The following VWDE variants were observed in gnomAD, a reference collection of about 807,000 sequenced individuals.
VWDE encodes the protein von Willebrand factor D and EGF domains, also known as von Willebrand factor D and EGF domain-containing protein.
VWDE carries 207 observed loss-of-function variants against 178.4 expected under a neutral mutation model. The ratio of observed to expected loss-of-function variants is 1.16; its 90% CI spans 1.04 to 1.30. VWDE has a LOEUF of 1.30. Among genes scored for constraint, VWDE ranks in the 50% most tolerant of loss-of-function variants. The pLI is 0.00. For synonymous variants in VWDE, 738 were observed against 651.4 expected (o/e 1.13, Z -2.02); for missense variants, 2,287 against 1,901.3 (o/e 1.20, Z -3.77).
chr7:12,363,529 C>A (rs1782691813), intron 13 of VWDE, among the ~76,000 whole-genome samples: 1 of 151,802 alleles, frequency 6.6e-6, no homozygotes, highest in South Asian at 2.1e-4. Context: ...TAAAGACTTG[C>A]TTAAAACTAC....
At chr7:12,350,985 G>C (rs928476818) in intron 19 of VWDE, among the ~76,000 whole-genome samples, 1 of 152,104 alleles carries the variant, frequency 6.6e-6, no homozygotes, top group Non-Finnish European at 1.5e-5. Context: ...GTGTACATCA[G>C]AGTATTCAGT....
chr7:12,376,068 T>A (rs541646265), intron 7 of VWDE, among the ~76,000 whole-genome samples: 1 of 152,216 alleles, frequency 6.6e-6, no homozygotes, highest in African/African-American at 2.4e-5. Flanking sequence ...GGTATGAAGT[T>A]ATATTAATCA....
intron 13 of VWDE, among the ~76,000 whole-genome samples, chr7:12,364,766 G>A (rs958479360): frequency 1.3e-5 from 2 of 152,050 alleles, no homozygotes; most frequent in Non-Finnish European, 2.9e-5. Context: ...AAATTAGGAA[G>A]AAAATGTTTG....
Position 12,356,283 on chromosome 7 carries a change from A to G in VWDE, c.3573T>C (p.Ser1191=), listed in dbSNP as rs753163282. Residue 1191 remains serine, a synonymous_variant, in exon 18 of 29, where the codon TCT becomes TCC. Coordinates refer to ENST00000275358, the MANE Select transcript of VWDE (RefSeq NM_001135924.3). ...CACTCCCTGGAGAAAAGTTCCTATC[A>G]GATACACATGATCCACCATTCAAGC... The part of the protein sequence containing the change: ...CDCLNGGSCV[S]DRNFSPGSGV... 5.2e-6 allele frequency: 8 copies of G among 1,551,678 alleles called. No homozygotes were observed. Among genetic ancestry groups the G allele is most frequent in the Non-Finnish European group, 7.0e-6 (8 of 1,146,994 alleles).
At chr7:12,402,058 T>C (rs553941714) in intron 1 of VWDE, among the ~76,000 whole-genome samples, 1 of 152,330 alleles carries the variant, frequency 6.6e-6, no homozygotes, top group East Asian at 1.9e-4. Flanking sequence ...CAACCTATTA[T>C]ATGATTCAGT....
chr7:12,331,546 C>T (rs983916915), intron 28 of VWDE, among the ~76,000 whole-genome samples: 2 of 152,104 alleles, frequency 1.3e-5, no homozygotes, highest in Middle Eastern at 3.2e-3. Context: ...AAGTGTCTTT[C>T]CCCATCCTTT....
rs117609059 is a variant in VWDE at position 12,384,599 on chromosome 7, G to C, written c.476-998C>G. Among the ~76,000 whole-genome samples the C allele has an allele frequency of 2.3e-3, 347 of 152,230 alleles. 11 individuals are homozygous for C. The East Asian group carries it at 0.054, about 24-fold the overall frequency. On this transcript the variant is annotated intron_variant, in intron 3 of 28. Transcript: ENST00000275358. The stretch of plus-strand genomic sequence containing the variant: ...GGGTTGGGGGACTATGCATGTGGGA[G>C]ATTTACAGAGTATATGTGAAATCTA...
chr7:12,401,465 G>A (rs1225811810), intron 1 of VWDE, among the ~76,000 whole-genome samples: 3 of 152,002 alleles, frequency 2.0e-5, no homozygotes, highest in African/African-American at 7.2e-5. Context: ...AAAAGGCCAA[G>A]TACTCATTTT....
At position 12,393,765 on chromosome 7, in the gene VWDE, A is replaced by C. The variant is rs57885954; in HGVS notation, c.72T>G (p.Ser24=). ...FLAWGEAQEC[S]PGGHQFLRSP... is the part of the protein sequence containing the mutation. ...TCCGAAGAAACTGGTGTCCCCCAGG[A>C]GAGCACTCCTGAGCTAGTATGGAAA... The change falls in exon 2 of 29, where the codon TCT becomes TCG. Residue 24 remains serine, a synonymous_variant. Coordinates refer to ENST00000275358, the MANE Select transcript of VWDE (RefSeq NM_001135924.3). 5.5e-5 allele frequency: 85 copies of C among 1,550,026 alleles called. No individual in the cohort carries two copies. In the African/African-American group the frequency reaches 8.9e-4, roughly 16 times the overall value.
At chr7:12,379,652 ATTC>A (rs1783731323) in intron 5 of VWDE, 86 bp from the exon 6 acceptor site, 2 of 901,786 alleles carry the variant, frequency 2.2e-6, no homozygotes, top group South Asian at 3.5e-5. Flanking sequence ...CCTAAATTTA[ATTC>A]TTCATAGATA....
At chr7:12,357,624 A>C in intron 16 of VWDE, 109 bp from the exon 17 acceptor site, 1 of 1,254,582 alleles carries the variant, frequency 8.0e-7, no homozygotes, top group East Asian at 2.5e-5. Context: ...GAACTCTGCT[A>C]AAAGGTCTAT....
At chr7:12,369,439 A>G (rs1783030576) in intron 12 of VWDE, 106 bp downstream of exon 12, 1 of 1,344,168 alleles carries the variant, frequency 7.4e-7, no homozygotes, top group African/African-American at 1.5e-5. Flanking sequence ...TTTCTCTATA[A>G]AATCTGAATA....
intron 3 of VWDE, among the ~76,000 whole-genome samples, chr7:12,386,463 C>T (rs952140450): frequency 1.3e-5 from 2 of 152,176 alleles, no homozygotes; most frequent in Admixed American, 6.5e-5. Context: ...CAGAACAAAA[C>T]GCAGAGCTCC....
Position 12,375,122 on chromosome 7 carries a change from T to G in VWDE, c.1130A>C (p.Tyr377Ser). ...NGTCSHTFVY[Y>S]TAVTDFSRDG... The stretch of plus-strand genomic sequence containing the variant: ...TCGAGAAAAATCTGTGACAGCAGTG[T>G]AGTACACAAAAGTGTGGCTACAGGT... The change falls in exon 8 of 29, where the codon TAC (tyrosine) becomes TCC (serine). Residue 377 changes from tyrosine (Y) to serine (S), a missense_variant. Tyr to Ser is a moderately radical substitution (Grantham distance 144). Transcript: ENST00000275358. 6.4e-7 allele frequency: 1 copy of G among 1,551,242 alleles called. No homozygotes were observed.
At chr7:12,337,640 G>T (rs945616502) in intron 24 of VWDE, among the ~76,000 whole-genome samples, 1 of 152,078 alleles carries the variant, frequency 6.6e-6, no homozygotes, top group Non-Finnish European at 1.5e-5. Context: ...CTGTTCTTGT[G>T]GAAATTAGAC....
intron 24 of VWDE, among the ~76,000 whole-genome samples, chr7:12,337,626 G>A (rs918505396): frequency 1.3e-5 from 2 of 152,120 alleles, no homozygotes; most frequent in Admixed American, 6.5e-5. Flanking sequence ...AAATAAGAAT[G>A]TGCCTGTTCT....
At position 12,336,212 on chromosome 7, in the gene VWDE, T is replaced by C; in HGVS notation, c.4583A>G (p.Asn1528Ser). Residue 1528 changes from asparagine (N) to serine (S), a missense_variant, in exon 27 of 29, where the codon AAC (asparagine) becomes AGC (serine). By Grantham distance (46) the Asn-to-Ser change is conservative. Coordinates refer to ENST00000275358, the MANE Select transcript of VWDE (RefSeq NM_001135924.3). ...NTPICLQKCK[N>S]GGECIAPSIC... ...GCTGGGCGCAATGCATTCACCACCG[T>C]TTTTACATTTCTGCAAGCAGATAGC... The C allele has an allele frequency of 6.4e-7, 1 of 1,551,352 alleles. No homozygotes were observed. The highest frequency in any genetic ancestry group is 8.7e-7 in the Non-Finnish European group (1 of 1,146,856).
At chr7:12,380,325 T>A (rs1024990508) in intron 5 of VWDE, among the ~76,000 whole-genome samples, 161 bp downstream of exon 5, 15 of 151,184 alleles carry the variant, frequency 9.9e-5, no homozygotes, top group African/African-American at 3.4e-4. Context: ...CCTCCAGTTA[T>A]CACGAGAATT....
Position 12,344,355 on chromosome 7 carries a change from AAT to A in VWDE, c.3982+17_3982+18del, listed in dbSNP as rs1781490598. ...CCAAATACAATTTATCATGCAAACT[AAT>A]GAATGATGTTACCTACCAGTTTGGC... is the stretch of plus-strand genomic sequence containing the variant. On this transcript the variant is annotated intron_variant, in intron 20 of 28. Transcript: ENST00000275358. The A allele has an allele frequency of 1.3e-6, 2 of 1,548,914 alleles. No individual in the cohort carries two copies. Among genetic ancestry groups the A allele is most frequent in the Admixed American group, 3.9e-5 (2 of 50,918 alleles).
Sources: allele counts gnomAD v4.1 joint callset (sites outside exome capture counted in the v4.1 genomes callset), GRCh38; gene constraint gnomAD v4.1.1; transcripts MANE v1.5; gene names NCBI Gene and HGNC (gene_info 2026-07-23, HGNC 2026-07-21).